Variants in CTC1 observed in about 807,000 individuals in gnomAD.
The protein encoded by CTC1 is CST telomere replication complex component 1.
In CTC1, 91 loss-of-function variants were observed where a neutral mutation model predicts 136.3. The observed-to-expected ratio is 0.67, with a 90% CI of 0.56 to 0.79. CTC1 has a LOEUF of 0.79. CTC1 is among the 30% of genes least tolerant of loss of function. The pLI, the probability that CTC1 is intolerant of heterozygous loss-of-function variation, is 0.00. For synonymous variants in CTC1, 606 were observed against 613.8 expected (o/e 0.99, Z 0.19); for missense variants, 1,432 against 1,498.1 (o/e 0.96, Z 0.73).
intron 10 of CTC1, 78 bp from the exon 11 acceptor site, chr17:8,233,110 T>C: frequency 6.7e-7 from 1 of 1,501,546 alleles, no homozygotes; most frequent in South Asian, 1.2e-5. Context: ...AGATGCTGTA[T>C]TACATGGTAA....
intron 2 of CTC1, among the ~76,000 whole-genome samples, chr17:8,239,157 T>C (rs990741817): frequency 2.7e-5 from 4 of 147,158 alleles, no homozygotes; most frequent in South Asian, 2.1e-4. Flanking sequence ...CCGTGCTGAA[T>C]AGTATCTTCA....
chr17:8,232,749 G>C, intron 11 of CTC1, 157 bp downstream of exon 11: 5 of 1,006,822 alleles, frequency 5.0e-6, no homozygotes, highest in South Asian at 1.5e-5. Flanking sequence ...TCTTGCTCCT[G>C]TTCTCTGCCT....
rs1286225682 is a variant in CTC1, at chr17:8,227,751, G to C, written c.*429C>G. On this transcript the variant is annotated 3_prime_UTR_variant, in exon 23 of 23. Coordinates refer to ENST00000651323, the MANE Select transcript of CTC1 (RefSeq NM_025099.6). The stretch of plus-strand genomic sequence containing the variant: ...GGGCTGAAATGATGATGAACGACTA[G>C]GAGTTCCTAGGAGGTGGACAACTAG... 1 of 156,660 alleles carries C rather than the reference G, an allele frequency of 6.4e-6. No homozygotes were observed. Among genetic ancestry groups the C allele is most frequent in the Non-Finnish European group, 1.4e-5 (1 of 70,922 alleles). The allele number at this position is 156,660 out of a possible 1,614,324, so 9.7% of individuals were successfully genotyped here. A position where few individuals can be genotyped will look rare whatever the true frequency, so the allele number is the denominator to read the frequency against.
In CTC1 at chr17:8,235,167, T is replaced by A. The variant is rs774630750; in HGVS notation, c.1325A>T (p.His442Leu). The change falls in exon 8 of 23, where the codon CAC becomes CTC. Residue 442 changes from histidine to leucine, a missense_variant. By Grantham distance (99) the His-to-Leu change is moderately conservative (BLOSUM62 -3). Transcript: ENST00000651323. ...QSFSRQKPGA[H>L]SSRQAYGASL... Reference sequence around the variant, plus strand: ...GGCCCCGTAGGCTTGACGGGATGAGTGAGCCCCAGGCTTCTGACGAGAGAA... The same window carrying A: ...GGCCCCGTAGGCTTGACGGGATGAGAGAGCCCCAGGCTTCTGACGAGAGAA... The A allele has an allele frequency of 2.5e-6, 4 of 1,613,872 alleles. No homozygotes were observed. Among genetic ancestry groups the A allele is most frequent in the African/African-American group, 2.7e-5 (2 of 74,852 alleles).
At chr17:8,239,784 C>T (rs1988058838) in intron 2 of CTC1, among the ~76,000 whole-genome samples, 1 of 152,086 alleles carries the variant, frequency 6.6e-6, no homozygotes, top group East Asian at 1.9e-4. Context: ...ATTAATCCTC[C>T]CTGTTGGACT....
rs1987107038 is a variant in CTC1 at position 8,230,356 on chromosome 17, G to A, written c.2871C>T (p.Pro957=). The change falls in exon 17 of 23, where the codon CCC becomes CCT. Residue 957 remains proline (P), a synonymous_variant. Coordinates refer to ENST00000651323, the MANE Select transcript of CTC1 (RefSeq NM_025099.6). ...GGGCTCCTGGAAGTAGTCCTAGTGA[G>A]GGAGGCAAGTGTGGGTCTTCTATAT... ...DVYIEDPHLP[P]SLGLLPGARV... is the part of the protein sequence containing the mutation. 6.2e-7 allele frequency: 1 copy of A among 1,614,036 alleles called. No individual in the cohort carries two copies. Among genetic ancestry groups the A allele is most frequent in the South Asian group, 1.1e-5 (1 of 91,090 alleles).
Position 8,226,382 on chromosome 17 carries a change from A to C in CTC1, c.*1798T>G, listed in dbSNP as rs771198997. ...AGGAACCCGGACCGAGCTTTTTCAG[A>C]TCTTTCTAGAACTAATTTGGTAACT... On this transcript the variant is annotated 3_prime_UTR_variant, in exon 23 of 23. Coordinates refer to ENST00000651323, the MANE Select transcript of CTC1 (RefSeq NM_025099.6). 1.3e-5 allele frequency: 2 copies of C among 152,160 alleles called. No homozygotes were observed. Among genetic ancestry groups the C allele is most frequent in the Middle Eastern group, 3.2e-3 (1 of 316 alleles). The allele number at this position is 152,160 out of a possible 1,614,324, so 9.4% of individuals were successfully genotyped here.
rs1032218826 is a variant in CTC1 at position 8,227,909 on chromosome 17, A to G, written c.*271T>C. 5.5e-6 allele frequency: 2 copies of G among 363,356 alleles called. No individual in the cohort carries two copies. Among genetic ancestry groups the G allele is most frequent in the East Asian group, 4.9e-5 (1 of 20,470 alleles). The allele number at this position is 363,356 out of a possible 1,614,324, so 22.5% of individuals were successfully genotyped here. A position where few individuals can be genotyped will look rare whatever the true frequency, so the allele number is the denominator to read the frequency against. ...CTTTTGTTCCCTCAGCTCCTGCGAC[A>G]AAGTCAGAACCCAGGTGCTCAGGGC... On this transcript the variant is annotated 3_prime_UTR_variant, in exon 23 of 23. Transcript: ENST00000651323.
At chr17:8,231,688 G>T (rs368631530) in intron 14 of CTC1, 38 bp downstream of exon 14, 2 of 1,587,684 alleles carry the variant, frequency 1.3e-6, no homozygotes, top group African/African-American at 2.7e-5. Flanking sequence ...CCCCAAAAAA[G>T]CTTTCTGGGG....
Position 8,247,990 on chromosome 17 carries a change from A to C in CTC1, c.33+14T>G. 6.2e-7 allele frequency: 1 copy of C among 1,603,978 alleles called. No individual in the cohort carries two copies. The highest frequency in any genetic ancestry group is 1.1e-5 in the South Asian group (1 of 90,488). Reference sequence around the variant, plus strand: ...CAAGAAAAAAGGAACAAGAGACGTAATAGCAGCACTCACGGAGGAAGGGAC... The same window carrying C: ...CAAGAAAAAAGGAACAAGAGACGTACTAGCAGCACTCACGGAGGAAGGGAC... On this transcript the variant is annotated intron_variant, in intron 1 of 22. Coordinates refer to ENST00000651323, the MANE Select transcript of CTC1 (RefSeq NM_025099.6).
chr17:8,237,923 C>T (rs922655965), intron 4 of CTC1, 108 bp downstream of exon 4: 24 of 857,842 alleles, frequency 2.8e-5, no homozygotes, highest in Middle Eastern at 7.3e-4. Context: ...TGATTTGGAA[C>T]ATTCAGTCTA....
intron 2 of CTC1, among the ~76,000 whole-genome samples, chr17:8,241,244 T>C (rs1988190114): frequency 6.6e-6 from 1 of 151,998 alleles, no homozygotes; most frequent in Non-Finnish European, 1.5e-5. Context: ...GCCGAGATGA[T>C]GCCATTGCAC....
chr17:8,230,218 A>G (rs925329630), intron 17 of CTC1, 76 bp downstream of exon 17: 1 of 1,451,700 alleles, frequency 6.9e-7, no homozygotes, highest in Non-Finnish European at 9.4e-7. Context: ...TCGCTGCAGC[A>G]AAGTTAAGCA....
chr17:8,246,732 GA>G (rs945550376), intron 1 of CTC1, among the ~76,000 whole-genome samples: 3 of 151,388 alleles, frequency 2.0e-5, no homozygotes, highest in African/African-American at 7.3e-5. Context: ...TTAAAAAAAA[GA>G]AAAAAAATAC....
At position 8,226,594 on chromosome 17, in the gene CTC1, G is replaced by C. The variant is rs1986690633; in HGVS notation, c.*1586C>G. 6.6e-6 allele frequency: 1 copy of C among 151,904 alleles called. No individual in the cohort carries two copies. The highest frequency in any genetic ancestry group is 1.5e-5 in the Non-Finnish European group (1 of 68,028). 9.4% of individuals were successfully genotyped at this position (151,904 alleles called of 1,614,324 possible). ...TGGAGAGAAATATGGTCAGTATGCT[G>C]AAGAAAAAAATATGACGTAGTCGGC... is the stretch of plus-strand genomic sequence containing the variant. On this transcript the variant is annotated 3_prime_UTR_variant, in exon 23 of 23. Coordinates refer to ENST00000651323, the MANE Select transcript of CTC1 (RefSeq NM_025099.6).
intron 1 of CTC1, among the ~76,000 whole-genome samples, chr17:8,244,390 C>T (rs2151549654): frequency 6.6e-6 from 1 of 152,278 alleles, no homozygotes; most frequent in Admixed American, 6.5e-5. Flanking sequence ...TGGCCTACTC[C>T]CAGTGCTAGG....
At chr17:8,229,595 T>C (rs891494022) in intron 18 of CTC1, 149 bp from the exon 19 acceptor site, 5 of 695,158 alleles carry the variant, frequency 7.2e-6, no homozygotes, top group Admixed American at 2.9e-5. Context: ...CCCATTTTAA[T>C]TCCTGATCTC....
At chr17:8,243,358 A>G (rs1186942846) in intron 1 of CTC1, among the ~76,000 whole-genome samples, 1 of 152,074 alleles carries the variant, frequency 6.6e-6, no homozygotes, top group African/African-American at 2.4e-5. Flanking sequence ...TGTCTCTACT[A>G]AAAACACAAA....
At chr17:8,235,558 C>T (rs1249184952) in intron 7 of CTC1, among the ~76,000 whole-genome samples, 1 of 152,158 alleles carries the variant, frequency 6.6e-6, no homozygotes, top group Non-Finnish European at 1.5e-5. Context: ...GAGATCACCC[C>T]AGCCCCAGAT....
Sources: gnomAD v4.1 joint callset for allele counts (sites outside exome capture counted in the v4.1 genomes callset) on GRCh38, gnomAD v4.1.1 for gene constraint, MANE v1.5 for transcripts, NCBI Gene and HGNC (gene_info 2026-07-23, HGNC 2026-07-21) for gene names.